COL28A1: variants seen among roughly 807,000 people sequenced by gnomAD.
COL28A1 encodes the protein collagen type XXVIII alpha 1 chain, also known as collagen alpha-1(XXVIII) chain.
COL28A1 carries 161 observed loss-of-function variants against 150.2 expected under a neutral mutation model. The observed-to-expected ratio is 1.07, with a 90% CI of 0.94 to 1.22. COL28A1 has a LOEUF of 1.22. Among genes scored for constraint, COL28A1 ranks in the 50% most tolerant of loss-of-function variants. COL28A1 has a pLI of 0.00. For synonymous variants in COL28A1, 552 were observed against 469.7 expected (o/e 1.18, Z -2.26); for missense variants, 1,617 against 1,388.3 (o/e 1.16, Z -2.62).
At chr7:7,511,254 G>A in intron 8 of COL28A1, 119 bp from the exon 9 acceptor site, 4 of 755,746 alleles carry the variant, frequency 5.3e-6, no homozygotes, top group Non-Finnish European at 8.9e-6. Flanking sequence ...CACTCTTTTG[G>A]TTTCTACACA....
chr7:7,385,383 G>C (rs1408025372), intron 27 of COL28A1, among the ~76,000 whole-genome samples: 2 of 152,158 alleles, frequency 1.3e-5, no homozygotes, highest in African/African-American at 4.8e-5. Flanking sequence ...ATCCATGGTT[G>C]GCTTTGTCTC....
chr7:7,478,770 C>A (rs1020641259), intron 13 of COL28A1, among the ~76,000 whole-genome samples: 1 of 152,256 alleles, frequency 6.6e-6, no homozygotes, highest in Non-Finnish European at 1.5e-5. Flanking sequence ...GTGCACCCTC[C>A]GCAGCTGCTG....
intron 27 of COL28A1, among the ~76,000 whole-genome samples, chr7:7,397,934 T>G (rs79472260): frequency 6.6e-5 from 10 of 152,372 alleles, no homozygotes; most frequent in Non-Finnish European, 1.2e-4. Flanking sequence ...TAATTGGTCC[T>G]GTCATGAGAA....
chr7:7,389,838 T>C (rs992685439), intron 27 of COL28A1, among the ~76,000 whole-genome samples: 2 of 152,248 alleles, frequency 1.3e-5, no homozygotes, highest in African/African-American at 2.4e-5. Flanking sequence ...TTTTTGCACA[T>C]TGATTTCGTA....
intron 32 of COL28A1, 36 bp from the exon 33 acceptor site, chr7:7,370,918 A>C: frequency 7.0e-7 from 1 of 1,429,772 alleles, no homozygotes; most frequent in South Asian, 1.2e-5. Flanking sequence ...AGATAGTAGA[A>C]GCAATGAAAC....
Position 7,432,553 on chromosome 7 carries a change from C to T in COL28A1, c.1930-12G>A. On this transcript the variant is annotated splice_polypyrimidine_tract_variant and intron_variant, in intron 24 of 34. Transcript: ENST00000399429. ...AATCCACGAGGTCCCTGAGATGACA[C>T]AGTAAGGGAGGGAGTGAGCATCCTT... 1.2e-6 allele frequency: 2 copies of T among 1,613,566 alleles called. No individual in the cohort carries two copies. The highest frequency in any genetic ancestry group is 1.7e-6 in the Non-Finnish European group (2 of 1,179,608).
intron 27 of COL28A1, among the ~76,000 whole-genome samples, chr7:7,413,658 A>T (rs1783909467): frequency 6.6e-6 from 1 of 152,178 alleles, no homozygotes; most frequent in South Asian, 2.1e-4. Context: ...AATGGAAGAC[A>T]AGGTTTTTTA....
At position 7,440,767 on chromosome 7, in the gene COL28A1, A is replaced by G. The variant is rs142024258; in HGVS notation, c.1722+23T>C. The G allele has an allele frequency of 1.4e-5, 15 of 1,065,082 alleles. No individual in the cohort carries two copies. In the East Asian group the frequency reaches 3.6e-4, roughly 25 times the overall value. 66.0% of individuals were successfully genotyped at this position (1,065,082 alleles called of 1,614,324 possible). A position where few individuals can be genotyped will look rare whatever the true frequency, so the allele number is the denominator to read the frequency against. On this transcript the variant is annotated intron_variant, in intron 21 of 34. Coordinates refer to ENST00000399429, the MANE Select transcript of COL28A1 (RefSeq NM_001037763.3). ...ACACAATACAAACTCCTCAAAGCGT[A>G]AGTCAGAATACAAGAAACATACCTT...
At chr7:7,517,974 T>C (rs1781508416) in intron 6 of COL28A1, 137 bp from the exon 7 acceptor site, 2 of 1,058,490 alleles carry the variant, frequency 1.9e-6, no homozygotes, top group Non-Finnish European at 2.6e-6. Context: ...ACATTTTCAC[T>C]ATGCAATCTA....
chr7:7,373,627 G>A lies in COL28A1; in HGVS notation c.2360-81C>T. The A allele has an allele frequency of 9.0e-7, 1 of 1,112,504 alleles. No individual in the cohort carries two copies. Among genetic ancestry groups the A allele is most frequent in the Non-Finnish European group, 1.3e-6 (1 of 764,684 alleles). 68.9% of individuals were successfully genotyped at this position (1,112,504 alleles called of 1,614,324 possible). On this transcript the variant is annotated intron_variant, in intron 31 of 34. Coordinates refer to ENST00000399429, the MANE Select transcript of COL28A1 (RefSeq NM_001037763.3). The surrounding 1 kb of genome is among the most constrained non-coding windows in gnomAD (Gnocchi z 4.1). ...TGAGGGGAGGGGAGAAAAAGTCAATGATGAACCTGAGACCTAAACTATTCT... is the reference window on the plus strand; with the variant it reads ...TGAGGGGAGGGGAGAAAAAGTCAATAATGAACCTGAGACCTAAACTATTCT...
intron 27 of COL28A1, 121 bp downstream of exon 27, chr7:7,417,738 T>C (rs2128307293): frequency 1.2e-6 from 1 of 807,596 alleles, no homozygotes. Context: ...TGGATGCCAT[T>C]TAACTGCGAG....
At chr7:7,424,534 G>A (rs1461144320) in intron 25 of COL28A1, among the ~76,000 whole-genome samples, 3 of 152,120 alleles carry the variant, frequency 2.0e-5, no homozygotes, top group African/African-American at 4.8e-5. Context: ...ACAGGTTGTC[G>A]CATAGCTGGA....
At chr7:7,542,721 T>C in the COL28A1 span, among the ~76,000 whole-genome samples, 1 of 152,180 alleles carries the variant, frequency 6.6e-6, no homozygotes, top group Non-Finnish European at 1.5e-5. Context: ...TGTGACATGA[T>C]CACACTTTCA....
At chr7:7,524,882 A>G (rs1781934565) in intron 3 of COL28A1, among the ~76,000 whole-genome samples, 1 of 152,216 alleles carries the variant, frequency 6.6e-6, no homozygotes, top group Non-Finnish European at 1.5e-5. Context: ...AAAGCCTCCA[A>G]TATGATACTT....
chr7:7,400,964 GTGGGTATT>G (rs1783142928), intron 27 of COL28A1, among the ~76,000 whole-genome samples: 1 of 143,166 alleles, frequency 7.0e-6, no homozygotes. Context: ...CATAGGACGT[GTGGGTATT>G]TGGGTGTGTG....
chr7:7,510,030 C>A (rs1372828464), intron 9 of COL28A1, among the ~76,000 whole-genome samples: 1 of 152,120 alleles, frequency 6.6e-6, no homozygotes, highest in Non-Finnish European at 1.5e-5. Context: ...TCACCCTCTT[C>A]TCCTAACCTT....
intron 16 of COL28A1, among the ~76,000 whole-genome samples, chr7:7,453,721 G>A (rs1786901125): frequency 6.6e-6 from 1 of 151,990 alleles, no homozygotes; most frequent in Non-Finnish European, 1.5e-5. Context: ...TATCTGCCTA[G>A]AATAAAGACC....
chr7:7,390,248 A>C (rs1490396414), intron 27 of COL28A1, among the ~76,000 whole-genome samples: 1 of 152,202 alleles, frequency 6.6e-6, no homozygotes, highest in Non-Finnish European at 1.5e-5. Flanking sequence ...TATTGAGACA[A>C]TCATGTGGTT....
intron 13 of COL28A1, among the ~76,000 whole-genome samples, chr7:7,481,872 C>T (rs1779343065): frequency 6.6e-6 from 1 of 151,924 alleles, no homozygotes; most frequent in Non-Finnish European, 1.5e-5. Flanking sequence ...TTATAGTTCC[C>T]TTTCAGGGTT....
Sources: allele counts gnomAD v4.1 joint callset (sites outside exome capture counted in the v4.1 genomes callset), GRCh38; gene constraint gnomAD v4.1.1; non-coding constraint Gnocchi (gnomAD v3.1); transcripts MANE v1.5; gene names NCBI Gene and HGNC (gene_info 2026-07-23, HGNC 2026-07-21).